PCDHA2: variants seen among roughly 807,000 people sequenced by gnomAD.
PCDHA2 encodes protocadherin alpha 2.
A neutral mutation model predicts 66.0 loss-of-function variants in PCDHA2; 58 were observed. The observed-to-expected ratio is 0.88, with a 90% CI of 0.71 to 1.09. The LOEUF is 1.09. PCDHA2 is among the 50% of genes least tolerant of loss of function. The pLI, the probability that PCDHA2 is intolerant of heterozygous loss-of-function variation, is 0.00. For missense variants in PCDHA2, 1,267 were observed against 1,242.3 expected (o/e 1.02, Z -0.30); for synonymous variants, 634 against 554.0 (o/e 1.14, Z -2.03).
At chr5:140,976,888 A>C (rs1050816491) in intron 1 of PCDHA2, among the ~76,000 whole-genome samples, 1 of 152,218 alleles carries the variant, frequency 6.6e-6, no homozygotes, top group Non-Finnish European at 1.5e-5. Context: ...ATTAGGATAC[A>C]TGCAACAGTA....
intron 1 of PCDHA2, chr5:140,843,513 G>A (rs1554140161): frequency 6.3e-7 from 1 of 1,595,848 alleles, no homozygotes; most frequent in East Asian, 2.2e-5. Context: ...ACTGAGGGCG[G>A]GTGCCGGGCG....
intron 1 of PCDHA2, chr5:140,809,012 T>G: frequency 6.2e-7 from 1 of 1,613,674 alleles, no homozygotes; most frequent in Non-Finnish European, 8.5e-7. Flanking sequence ...GTGGCTTTCG[T>G]ACGAGCTGCA....
At chr5:140,841,793 T>C in intron 1 of PCDHA2, 1 of 1,613,848 alleles carries the variant, frequency 6.2e-7, no homozygotes, top group Non-Finnish European at 8.5e-7. Context: ...AGAGGGCGCG[T>C]CCGATGCAGA....
chr5:140,877,719 T>G (rs782112072), intron 1 of PCDHA2: 2 of 1,614,102 alleles, frequency 1.2e-6, no homozygotes, highest in South Asian at 1.1e-5. Context: ...GGAGTTGGTC[T>G]TACTCGCAGC....
In PCDHA2 at chr5:140,941,202, C is replaced by CCCTTCTTTCTTTCTTTCTTT; in HGVS notation, c.2389-37746_2389-37745insCTTCTTTCTTTCTTTCTTTC. Among the ~76,000 whole-genome samples, 3 of 122,832 alleles carry CCCTTCTTTCTTTCTTTCTTT rather than the reference C, an allele frequency of 2.4e-5. No homozygotes were observed. The East Asian group carries it at 6.6e-4, about 27-fold the overall frequency. The allele number at this position is 122,832 out of a possible 152,430, so 80.6% of individuals were successfully genotyped here. A position where few individuals can be genotyped will look rare whatever the true frequency, so the allele number is the denominator to read the frequency against. On this transcript the variant is annotated intron_variant, in intron 1 of 3. Transcript: ENST00000526136. ...TCCTGCTTCTTTTTTTTTCTTTCTT[C>CCCTTCTTTCTTTCTTTCTTT]CTTTCTTTCTTCCTTTCTTTCTTTC...
At chr5:140,808,513 T>A (rs1554124601) in intron 1 of PCDHA2, 1 of 1,614,138 alleles carries the variant, frequency 6.2e-7, no homozygotes. Flanking sequence ...CCAGTGTTTC[T>A]GTGGAGGTGG....
At chr5:140,979,257 C>T (rs1454477008) in intron 2 of PCDHA2, among the ~76,000 whole-genome samples, 1 of 152,194 alleles carries the variant, frequency 6.6e-6, no homozygotes, top group Non-Finnish European at 1.5e-5. Flanking sequence ...TATGTATTTT[C>T]TCCCATCAAA....
At chr5:140,802,484 CG>C in intron 1 of PCDHA2, 3 of 1,614,164 alleles carry the variant, frequency 1.9e-6, no homozygotes, top group Non-Finnish European at 2.5e-6. Flanking sequence ...CTGCTCGGGA[CG>C]GGGGCTCGCC....
chr5:140,826,672 G>A (rs1290845533), intron 1 of PCDHA2, among the ~76,000 whole-genome samples: 2 of 152,028 alleles, frequency 1.3e-5, no homozygotes, highest in South Asian at 2.1e-4. Context: ...AATTGTAGAC[G>A]TAATTAAAAA....
intron 3 of PCDHA2, among the ~76,000 whole-genome samples, chr5:140,995,413 C>T (rs1554254672): frequency 6.6e-6 from 1 of 152,176 alleles, no homozygotes; most frequent in East Asian, 1.9e-4. Flanking sequence ...GATTTCATCA[C>T]ATTACTCAGA....
rs1354913404 is a variant in PCDHA2 at position 140,858,709 on chromosome 5, A to G, written c.2388+61357A>G. 5 of 545,256 alleles carry G rather than the reference A, an allele frequency of 9.2e-6. 1 individual carries two copies. The African/African-American group carries it at 9.7e-5, about 11-fold the overall frequency. The allele number at this position is 545,256 out of a possible 1,614,324, so 33.8% of individuals were successfully genotyped here. A position where few individuals can be genotyped will look rare whatever the true frequency, so the allele number is the denominator to read the frequency against. ...ATATTTTCCAATACAAATATGTGATATAGGTTGCAGTTCTGACGATTTACT... is the reference window on the plus strand; with the variant it reads ...ATATTTTCCAATACAAATATGTGATGTAGGTTGCAGTTCTGACGATTTACT... On this transcript the variant is annotated intron_variant, in intron 1 of 3. Transcript: ENST00000526136.
chr5:140,814,784 CG>C (rs1765588725), intron 1 of PCDHA2: 1 of 152,144 alleles, frequency 6.6e-6, no homozygotes, highest in African/African-American at 2.4e-5. Context: ...TTGGTTGAAA[CG>C]TTGTTATACA....
chr5:140,851,653 A>T, intron 1 of PCDHA2: 1 of 911,134 alleles, frequency 1.1e-6, no homozygotes. Context: ...TCAAGAAGAC[A>T]TTCTCCTTTT....
Position 140,796,609 on chromosome 5 carries a change from G to T in PCDHA2, c.1645G>T (p.Val549Leu), listed in dbSNP as rs574282635. ...DAGVPPLGSN[V>L]TLQVFVLDEN... is the part of the protein sequence containing the mutation. ...GGGCGTGCCGCCTCTGGGCAGCAAC[G>T]TGACGCTGCAGGTGTTCGTGCTGGA... Residue 549 changes from valine (V) to leucine (L), a missense_variant, in exon 1 of 4, where the codon GTG becomes TTG. Transcript: ENST00000526136. The T allele has an allele frequency of 2.5e-6, 4 of 1,612,476 alleles. No homozygotes were observed. Among genetic ancestry groups the T allele is most frequent in the South Asian group, 1.1e-5 (1 of 90,998 alleles).
chr5:141,011,822 A>G lies in PCDHA2; in HGVS notation c.*1885A>G, dbSNP rs181852141. 7 of 153,844 alleles carry G rather than the reference A, an allele frequency of 4.6e-5. No homozygotes were observed. The highest frequency in any genetic ancestry group is 1.4e-4 in the African/African-American group (6 of 41,546). The allele number at this position is 153,844 out of a possible 1,614,324, so 9.5% of individuals were successfully genotyped here. A position where few individuals can be genotyped will look rare whatever the true frequency, so the allele number is the denominator to read the frequency against. On this transcript the variant is annotated 3_prime_UTR_variant, in exon 4 of 4. Transcript: ENST00000526136. ...ATATCAGCTCATAGAAAGTAACAAA[A>G]TTTGCTGTCACCTTAAATAAGACAT...
Position 140,796,996 on chromosome 5 carries a change from G to A in PCDHA2, c.2032G>A (p.Ala678Thr). The A allele has an allele frequency of 3.1e-6, 5 of 1,613,744 alleles. No homozygotes were observed. Among genetic ancestry groups the A allele is most frequent in the Admixed American group, 1.7e-5 (1 of 60,026 alleles). The stretch of plus-strand genomic sequence containing the variant: ...GGTGGAAAGTGGCCAGGCACCCAAG[G>A]CCTCGTCGCGGGCGTGGGTGGGCGC... ...SLVESGQAPKASSRAWVGAAG... is the reference protein window; with the variant it reads ...SLVESGQAPKTSSRAWVGAAG... Residue 678 changes from alanine (A) to threonine (T), a missense_variant, in exon 1 of 4, where the codon GCC becomes ACC. By Grantham distance (58) the Ala-to-Thr change is moderately conservative. Transcript: ENST00000526136.
chr5:140,955,297 T>C (rs2153705828), intron 1 of PCDHA2, among the ~76,000 whole-genome samples: 1 of 152,262 alleles, frequency 6.6e-6, no homozygotes, highest in East Asian at 1.9e-4. Context: ...TTTGGCTGTG[T>C]CCCCACCCAA....
chr5:140,796,925 A>G lies in PCDHA2; in HGVS notation c.1961A>G (p.His654Arg). ...RHRLLVLVKD[H>R]GEPALTATAT... The stretch of plus-strand genomic sequence containing the variant: ...CGCCTACTCGTGCTGGTGAAGGACC[A>G]CGGCGAACCAGCGTTGACAGCCACG... Residue 654 changes from histidine (H) to arginine (R), a missense_variant, in exon 1 of 4, where the codon CAC becomes CGC. By Grantham distance (29) the His-to-Arg change is conservative (BLOSUM62 0). Coordinates refer to ENST00000526136, the MANE Select transcript of PCDHA2 (RefSeq NM_018905.3). The G allele has an allele frequency of 6.2e-7, 1 of 1,613,844 alleles. No homozygotes were observed. The highest frequency in any genetic ancestry group is 8.5e-7 in the Non-Finnish European group (1 of 1,179,988).
intron 1 of PCDHA2, chr5:140,884,552 G>A (rs1554181720): frequency 6.2e-7 from 1 of 1,614,142 alleles, no homozygotes; most frequent in East Asian, 2.2e-5. Context: ...GTGCTCTGGG[G>A]AGGGCCCGCA....
Sources: allele counts gnomAD v4.1 joint callset (sites outside exome capture counted in the v4.1 genomes callset), GRCh38; gene constraint gnomAD v4.1.1; transcripts MANE v1.5; gene names NCBI Gene and HGNC (gene_info 2026-07-23, HGNC 2026-07-21).